The following NUP160 variants were observed in gnomAD, a reference collection of about 807,000 sequenced individuals.
NUP160 encodes the protein nuclear pore complex protein Nup160.
In NUP160, 94 loss-of-function variants were observed where a neutral mutation model predicts 196.9. That is an observed-to-expected ratio of 0.48 (90% CI 0.40 to 0.57). The LOEUF (loss-of-function observed/expected upper bound fraction) is 0.57, where lower values mean the gene tolerates loss of function less well. Among genes scored for constraint, NUP160 ranks in the 20% least tolerant of loss-of-function variants. The pLI, the probability that NUP160 is intolerant of heterozygous loss-of-function variation, is 0.00. For synonymous variants in NUP160, 605 were observed against 619.7 expected (o/e 0.98, Z 0.35); for missense variants, 1,638 against 1,748.3 (o/e 0.94, Z 1.13).
chr11:47,834,275 G>C (rs1447253777), intron 7 of NUP160, among the ~76,000 whole-genome samples: 1 of 152,114 alleles, frequency 6.6e-6, no homozygotes, highest in Non-Finnish European at 1.5e-5. Context: ...ATGTCGAGGA[G>C]ACTGATCAAC....
exon 3 of NUP160, chr11:47,840,516 G>A: frequency 6.2e-7 from 1 of 1,614,060 alleles, no homozygotes; most frequent in Non-Finnish European, 8.5e-7. Context: ...GGAATTTTAG[G>A]CGAATGGCAT....
intron 7 of NUP160, among the ~76,000 whole-genome samples, chr11:47,828,061 G>T (rs1852005834): frequency 6.6e-6 from 1 of 152,116 alleles, no homozygotes; most frequent in African/African-American, 2.4e-5. Flanking sequence ...TAGAGACAGG[G>T]TTTCGCCATG....
intron 22 of NUP160, among the ~76,000 whole-genome samples, chr11:47,802,786 G>A (rs1453075889): frequency 6.6e-6 from 1 of 151,954 alleles, no homozygotes; most frequent in East Asian, 1.9e-4. Context: ...ACCAGCCTGG[G>A]CAACATGGGA....
At chr11:47,825,490 T>C (rs1851949649) in intron 7 of NUP160, among the ~76,000 whole-genome samples, 1 of 150,406 alleles carries the variant, frequency 6.6e-6, no homozygotes, top group African/African-American at 2.5e-5. Context: ...TATCGCTCTG[T>C]CACCCAGGCT....
chr11:47,824,043 A>ATATATATATATATATATG (rs1851918916), intron 7 of NUP160, among the ~76,000 whole-genome samples: 1 of 125,120 alleles, frequency 8.0e-6, no homozygotes, highest in African/African-American at 3.0e-5. Flanking sequence ...ATATATATAT[A>ATATATATATATATATATG]TATATATATA....
exon 36 of NUP160, chr11:47,778,619 G>C (rs2097658872): frequency 6.5e-6 from 1 of 152,778 alleles, no homozygotes; most frequent in Admixed American, 6.5e-5. Context: ...TAAATAAAAA[G>C]TACACAAAAT....
chr11:47,821,137 G>GC (rs1368879345), intron 9 of NUP160, among the ~76,000 whole-genome samples: 1 of 151,920 alleles, frequency 6.6e-6, no homozygotes, highest in East Asian at 1.9e-4. Flanking sequence ...TCCCAGATTA[G>GC]AGGTATTTTG....
At chr11:47,779,977 G>A (rs571212024) in intron 35 of NUP160, among the ~76,000 whole-genome samples, 66 of 152,288 alleles carry the variant, frequency 4.3e-4, no homozygotes, top group African/African-American at 1.5e-3. Context: ...TAATCTGCCC[G>A]TCTCAGCCTT....
chr11:47,846,976 A>G (rs974669971), intron 2 of NUP160, among the ~76,000 whole-genome samples: 19 of 152,142 alleles, frequency 1.2e-4, no homozygotes, highest in Non-Finnish European at 4.4e-5. Flanking sequence ...TGATGTTAGT[A>G]ACTCTTTAAA....
chr11:47,793,089 C>T (rs771827967), intron 27 of NUP160, 143 bp from the exon 28 acceptor site: 37 of 569,234 alleles, frequency 6.5e-5, no homozygotes, highest in African/African-American at 4.1e-4. Flanking sequence ...CTGGTTCAAG[C>T]GATTCTCCTG....
At chr11:47,819,242 G>A in intron 10 of NUP160, 132 bp downstream of exon 10, 1 of 621,270 alleles carries the variant, frequency 1.6e-6, no homozygotes, top group Admixed American at 2.4e-5. Context: ...GAACCTGGGA[G>A]GCAGAGGTTG....
chr11:47,796,520 A>C, intron 27 of NUP160: 1 of 260,236 alleles, frequency 3.8e-6, no homozygotes, highest in Middle Eastern at 1.2e-3. Flanking sequence ...GAGAGGAAGG[A>C]AGGGGGAAGA....
intron 7 of NUP160, among the ~76,000 whole-genome samples, chr11:47,824,902 C>T (rs1851937818): frequency 6.6e-6 from 1 of 151,000 alleles, no homozygotes; most frequent in African/African-American, 2.4e-5. Flanking sequence ...GTGGTGTGAT[C>T]TCGGCTCACT....
intron 27 of NUP160, among the ~76,000 whole-genome samples, chr11:47,795,636 C>T (rs567986647): frequency 1.9e-4 from 29 of 152,274 alleles, no homozygotes; most frequent in African/African-American, 5.3e-4. Flanking sequence ...ATTCCGCTCA[C>T]ATTCCGTTCA....
intron 34 of NUP160, among the ~76,000 whole-genome samples, chr11:47,781,132 A>G (rs2097660533): frequency 6.6e-6 from 1 of 152,058 alleles, no homozygotes; most frequent in African/African-American, 2.4e-5. Flanking sequence ...CTGAGGCTGA[A>G]GAATTGCTTG....
At chr11:47,801,646 G>A (rs576895889) in intron 23 of NUP160, among the ~76,000 whole-genome samples, 165 bp downstream of exon 23, 3 of 152,208 alleles carry the variant, frequency 2.0e-5, no homozygotes, top group Admixed American at 6.5e-5. Context: ...CACCGTGCCC[G>A]GCCATGTTTC....
At chr11:47,833,397 G>A (rs536521700) in intron 7 of NUP160, among the ~76,000 whole-genome samples, 1 of 151,776 alleles carries the variant, frequency 6.6e-6, no homozygotes, top group South Asian at 2.1e-4. Context: ...AGAGGTTGCA[G>A]TCAGTTGAGG....
rs1201762505 is a variant in NUP160, at chr11:47,806,986, G to A, written c.2446+84C>T. The A allele has an allele frequency of 7.2e-6, 7 of 966,400 alleles. No homozygotes were observed. In the East Asian group the frequency reaches 1.5e-4, roughly 20 times the overall value. 59.9% of individuals were successfully genotyped at this position (966,400 alleles called of 1,614,324 possible). A position where few individuals can be genotyped will look rare whatever the true frequency, so the allele number is the denominator to read the frequency against. On this transcript the variant is annotated intron_variant, in intron 19 of 35. Transcript: ENST00000378460. ...CAAAGAGCCTAGCCAACCTTTCTATGGCAAAGGTGGCAAAAGACCACTTTA... is the reference window on the plus strand; with the variant it reads ...CAAAGAGCCTAGCCAACCTTTCTATAGCAAAGGTGGCAAAAGACCACTTTA...
intron 17 of NUP160, among the ~76,000 whole-genome samples, chr11:47,809,780 A>G (rs10838771): frequency 0.58 from 83,064 of 143,886 alleles, 24,451 homozygotes; most frequent in Admixed American, 0.64. Context: ...AATTATGGAC[A>G]TAAAGGAAAA....
Sources: allele counts gnomAD v4.1 joint callset (sites outside exome capture counted in the v4.1 genomes callset), GRCh38; gene constraint gnomAD v4.1.1; transcripts MANE v1.5; gene names NCBI Gene and HGNC (gene_info 2026-07-23, HGNC 2026-07-21).